NCKAP5: variants seen among roughly 807,000 people sequenced by gnomAD.
NCKAP5 encodes the protein nck-associated protein 5.
A neutral mutation model predicts 167.0 loss-of-function variants in NCKAP5; 92 were observed. That is an observed-to-expected ratio of 0.55 (90% CI 0.47 to 0.66). NCKAP5 has a LOEUF of 0.66. NCKAP5 is among the 30% of genes least tolerant of loss of function. The pLI is 0.00. For missense variants in NCKAP5, 2,378 were observed against 2,315.0 expected (o/e 1.03, Z -0.56); for synonymous variants, 891 against 877.4 (o/e 1.02, Z -0.27).
At chr2:133,422,061 T>C (rs561690566) in intron 3 of NCKAP5, among the ~76,000 whole-genome samples, 1 of 152,342 alleles carries the variant, frequency 6.6e-6, no homozygotes, top group South Asian at 2.1e-4. Flanking sequence ...AATAATGTGG[T>C]ATGTGCTATT....
intron 3 of NCKAP5, among the ~76,000 whole-genome samples, chr2:133,427,390 G>C (rs1689879602): frequency 6.6e-6 from 1 of 152,130 alleles, no homozygotes; most frequent in Non-Finnish European, 1.5e-5. Flanking sequence ...TAATAAAACT[G>C]TCACTAAAAT....
intron 5 of NCKAP5, among the ~76,000 whole-genome samples, chr2:133,170,914 C>T (rs78260957): frequency 2.6e-5 from 4 of 152,114 alleles, no homozygotes; most frequent in East Asian, 3.8e-4. Flanking sequence ...TAAAACACAA[C>T]CTTCTCCTGG....
At chr2:132,978,335 C>A (rs2077036383) in intron 7 of NCKAP5, among the ~76,000 whole-genome samples, 1 of 152,064 alleles carries the variant, frequency 6.6e-6, no homozygotes, top group South Asian at 2.1e-4. Flanking sequence ...GTTAGGCAAC[C>A]AAGTACATCT....
intron 4 of NCKAP5, among the ~76,000 whole-genome samples, chr2:133,284,220 C>A (rs1406243609): frequency 6.6e-6 from 1 of 151,872 alleles, no homozygotes; most frequent in Admixed American, 6.6e-5. Flanking sequence ...TAATTACTAA[C>A]CCCTAAAATG....
chr2:132,778,976 T>C (rs954739090), intron 15 of NCKAP5, among the ~76,000 whole-genome samples: 2 of 152,170 alleles, frequency 1.3e-5, no homozygotes, highest in Non-Finnish European at 2.9e-5. Context: ...ATTTTACATT[T>C]AAAAAAATGA....
At chr2:133,305,549 T>C (rs1440831082) in intron 3 of NCKAP5, among the ~76,000 whole-genome samples, 1 of 152,198 alleles carries the variant, frequency 6.6e-6, no homozygotes, top group Non-Finnish European at 1.5e-5. Flanking sequence ...TTCTCTTCTC[T>C]TGCCAAACTT....
intron 7 of NCKAP5, among the ~76,000 whole-genome samples, chr2:132,983,284 T>C (rs908709328): frequency 1.3e-4 from 20 of 152,174 alleles, no homozygotes; most frequent in Non-Finnish European, 2.5e-4. Flanking sequence ...CTTTTCCTGT[T>C]TGGATACCTT....
At chr2:132,907,955 C>G (rs952257905) in intron 8 of NCKAP5, among the ~76,000 whole-genome samples, 2 of 152,126 alleles carry the variant, frequency 1.3e-5, no homozygotes, top group Non-Finnish European at 2.9e-5. Context: ...CCATGCCTGG[C>G]CCACAATGTA....
rs141876715 is a variant in NCKAP5, at chr2:133,216,988, C to T, written c.144-3209G>A. ...TGGCTCATGTTATTTTTATTAAAAA[C>T]ATTATAATAATGCATTACTAGAAAG... On this transcript the variant is annotated intron_variant, in intron 4 of 19. Coordinates refer to ENST00000409261, the MANE Select transcript of NCKAP5 (RefSeq NM_207363.3). Among the ~76,000 whole-genome samples, 1,259 of 152,092 alleles carry T rather than the reference C, an allele frequency of 8.3e-3. 9 individuals carry two copies. Among genetic ancestry groups the T allele is most frequent in the Non-Finnish European group, 0.013 (872 of 67,942 alleles).
intron 3 of NCKAP5, among the ~76,000 whole-genome samples, chr2:133,445,318 A>T (rs567317494): frequency 6.6e-6 from 1 of 152,354 alleles, no homozygotes; most frequent in Non-Finnish European, 1.5e-5. Flanking sequence ...AGATGTTAAA[A>T]ATAAAATCCA....
intron 19 of NCKAP5, among the ~76,000 whole-genome samples, chr2:132,721,328 A>C (rs544734493): frequency 7.2e-6 from 1 of 138,254 alleles, no homozygotes; most frequent in Non-Finnish European, 1.6e-5. Flanking sequence ...AGAAAAGAAA[A>C]AAAGAAATTT....
At chr2:132,720,657 C>A (rs1689825513) in intron 19 of NCKAP5, among the ~76,000 whole-genome samples, 1 of 152,128 alleles carries the variant, frequency 6.6e-6, no homozygotes. Flanking sequence ...CTGTAAGCTT[C>A]CTAGAAGCTA....
At chr2:133,451,552 C>A (rs1484109118) in intron 3 of NCKAP5, among the ~76,000 whole-genome samples, 1 of 152,184 alleles carries the variant, frequency 6.6e-6, no homozygotes, top group Non-Finnish European at 1.5e-5. Flanking sequence ...CACTCTTATA[C>A]ACAGAACTTT....
intron 5 of NCKAP5, among the ~76,000 whole-genome samples, chr2:133,204,690 C>A (rs186132239): frequency 6.6e-6 from 1 of 152,244 alleles, no homozygotes; most frequent in East Asian, 1.9e-4. Flanking sequence ...GTTTTGGCTT[C>A]AAGTTTACTG....
intron 15 of NCKAP5, among the ~76,000 whole-genome samples, chr2:132,775,562 A>G (rs969550541): frequency 3.3e-5 from 5 of 152,218 alleles, no homozygotes; most frequent in African/African-American, 1.2e-4. Flanking sequence ...AGAAAGCAGG[A>G]AAAAAGGGTT....
chr2:133,443,610 G>A (rs767693775), intron 3 of NCKAP5, among the ~76,000 whole-genome samples: 7 of 152,222 alleles, frequency 4.6e-5, no homozygotes, highest in East Asian at 1.9e-4. Flanking sequence ...GCCCGCAGCC[G>A]TCTCCAGCAT....
chr2:133,647,376 A>G, the NCKAP5 span, among the ~76,000 whole-genome samples: 9,102 of 82,214 alleles, frequency 0.11, 781 homozygotes, highest in African/African-American at 0.19. Context: ...AGGAAGAAAG[A>G]AAGGAAGGAA....
At chr2:132,675,678 G>A (rs556537637) in intron 19 of NCKAP5, among the ~76,000 whole-genome samples, 17 of 152,258 alleles carry the variant, frequency 1.1e-4, no homozygotes, top group African/African-American at 2.4e-4. Context: ...ATCATAATTC[G>A]TTGTGAAATG....
chr2:132,705,966 T>C (rs928057997), intron 19 of NCKAP5, among the ~76,000 whole-genome samples: 1 of 152,222 alleles, frequency 6.6e-6, no homozygotes, highest in Admixed American at 6.5e-5. Flanking sequence ...TGTCTATATG[T>C]ATGTGTGTAT....
Sources: gnomAD v4.1 joint callset for allele counts (sites outside exome capture counted in the v4.1 genomes callset) on GRCh38, gnomAD v4.1.1 for gene constraint, MANE v1.5 for transcripts, NCBI Gene and HGNC (gene_info 2026-07-23, HGNC 2026-07-21) for gene names.